The following HORMAD2 variants were observed in gnomAD, a reference collection of about 807,000 sequenced individuals.
HORMAD2 encodes the protein HORMA domain-containing protein 2.
In HORMAD2, 45 loss-of-function variants were observed where a neutral mutation model predicts 38.8. The ratio of observed to expected loss-of-function variants is 1.16; its 90% confidence interval spans 0.91 to 1.49. The LOEUF (loss-of-function observed/expected upper bound fraction) is 1.49, where lower values mean the gene tolerates loss of function less well. Ranked by LOEUF, HORMAD2 falls within the 40% of genes most tolerant of loss-of-function variation. HORMAD2 has a pLI of 0.00. For synonymous variants in HORMAD2, 126 were observed against 122.8 expected, an observed-to-expected ratio of 1.03 and a Z score of -0.17; for missense variants, 338 against 367.0, an observed-to-expected ratio of 0.92 and a Z score of 0.65.
At chr22:30,097,375 G>C (rs1368874894) in intron 2 of HORMAD2, among the ~76,000 whole-genome samples, 2 of 152,138 alleles carry the variant, frequency 1.3e-5, no homozygotes, top group Non-Finnish European at 2.9e-5. Context: ...ATTTCTTAAG[G>C]AAGACTATCT....
intron 10 of HORMAD2, among the ~76,000 whole-genome samples, chr22:30,158,127 C>CAATAAA (rs1398642316): frequency 6.6e-6 from 1 of 151,484 alleles, no homozygotes; most frequent in African/African-American, 2.4e-5. Flanking sequence ...TTGTTATATC[C>CAATAAA]AATAAAAATA....
At chr22:30,112,192 C>A (rs118075028) in intron 6 of HORMAD2, among the ~76,000 whole-genome samples, 784 of 152,138 alleles carry the variant, frequency 5.2e-3, no homozygotes, top group Non-Finnish European at 9.4e-3. Flanking sequence ...GAAGATACCA[C>A]TGAGAGTCTT....
At chr22:30,124,005 T>C (rs1922651693) in intron 10 of HORMAD2, among the ~76,000 whole-genome samples, 1 of 151,700 alleles carries the variant, frequency 6.6e-6, no homozygotes, top group East Asian at 1.9e-4. Context: ...TTTTTTTTAA[T>C]CAAATGAAAG....
Position 30,111,796 on chromosome 22 carries a change from C to T in HORMAD2, c.295C>T (p.Leu99=). The T allele has an allele frequency of 6.4e-7, 1 of 1,560,064 alleles. No individual in the cohort carries two copies. Among genetic ancestry groups the T allele is most frequent in the African/African-American group, 1.4e-5 (1 of 73,342 alleles). ...GCFDALEKRY[L]RMAVLTLYTD... ...TAGTTTTTTTTTCTTTCTCTTGAAGCTACGTATGGCAGTACTGACAGTAAG... is the reference window on the plus strand; with the variant it reads ...TAGTTTTTTTTTCTTTCTCTTGAAGTTACGTATGGCAGTACTGACAGTAAG... The change falls in exon 6 of 11, where the codon CTA becomes TTA. Residue 99 remains leucine (L), a splice_region_variant and synonymous_variant. Transcript: ENST00000336726.
At chr22:30,190,256 ATCT>A in the HORMAD2 span, among the ~76,000 whole-genome samples, 1 of 152,148 alleles carries the variant, frequency 6.6e-6, no homozygotes, top group Non-Finnish European at 1.5e-5. Context: ...TCAGGGCAAC[ATCT>A]TCTCCTGCCT....
At chr22:30,093,098 G>A (rs763514328) in intron 1 of HORMAD2, among the ~76,000 whole-genome samples, 5 of 151,920 alleles carry the variant, frequency 3.3e-5, no homozygotes, top group Non-Finnish European at 7.4e-5. Flanking sequence ...GATCATTTTA[G>A]CAATATTAAT....
chr22:30,207,146 T>A, the HORMAD2 span: 1 of 466,286 alleles, frequency 2.1e-6, no homozygotes, highest in South Asian at 1.6e-5. Flanking sequence ...TGGCTCACTG[T>A]GCTCCCGCCC....
At chr22:30,128,363 T>A (rs1056700310) in intron 10 of HORMAD2, among the ~76,000 whole-genome samples, 2 of 152,210 alleles carry the variant, frequency 1.3e-5, no homozygotes, top group Non-Finnish European at 2.9e-5. Flanking sequence ...TCATGGTATA[T>A]GTGAATTTAT....
chr22:30,137,298 G>T, intron 10 of HORMAD2: 2 of 521,164 alleles, frequency 3.8e-6, no homozygotes, highest in South Asian at 1.7e-5. Flanking sequence ...ATGCAATTTT[G>T]ATTCCTTGAG....
At chr22:30,148,183 A>G (rs544611576) in intron 10 of HORMAD2, among the ~76,000 whole-genome samples, 8 of 152,370 alleles carry the variant, frequency 5.3e-5, no homozygotes, top group South Asian at 2.1e-4. Context: ...CAAATGATAC[A>G]TGCAAAACTG....
chr22:30,142,305 G>T (rs1008288570), intron 10 of HORMAD2, among the ~76,000 whole-genome samples: 1 of 151,912 alleles, frequency 6.6e-6, no homozygotes, highest in Admixed American at 6.6e-5. Context: ...GTAAATATAT[G>T]GTTTATGCTG....
At chr22:30,123,807 A>G (rs1922629169) in intron 10 of HORMAD2, among the ~76,000 whole-genome samples, 1 of 151,058 alleles carries the variant, frequency 6.6e-6, no homozygotes, top group South Asian at 2.1e-4. Flanking sequence ...TGTAGCTGAA[A>G]CCATAGGTGT....
At chr22:30,172,366 A>G (rs1013490310) in intron 10 of HORMAD2, among the ~76,000 whole-genome samples, 4 of 152,202 alleles carry the variant, frequency 2.6e-5, no homozygotes, top group Non-Finnish European at 4.4e-5. Context: ...CTATTTTGGC[A>G]TTACATTGTA....
At chr22:30,191,836 A>G in the HORMAD2 span, among the ~76,000 whole-genome samples, 1 of 152,240 alleles carries the variant, frequency 6.6e-6, no homozygotes, top group Non-Finnish European at 1.5e-5. Flanking sequence ...TTCAAGATGT[A>G]TAAATGTTGT....
At chr22:30,175,903 A>G (rs1926426131) in intron 10 of HORMAD2, among the ~76,000 whole-genome samples, 160 bp from the exon 11 acceptor site, 1 of 152,222 alleles carries the variant, frequency 6.6e-6, no homozygotes, top group Non-Finnish European at 1.5e-5. Flanking sequence ...TGATACTGGC[A>G]GCAGGGCCTC....
intron 7 of HORMAD2, among the ~76,000 whole-genome samples, chr22:30,118,336 G>C (rs1922200527): frequency 6.9e-6 from 1 of 144,430 alleles, no homozygotes; most frequent in South Asian, 2.2e-4. Context: ...CCCTCTGCCT[G>C]AGGCACCCCA....
At chr22:30,108,745 T>G (rs753694651) in intron 5 of HORMAD2, among the ~76,000 whole-genome samples, 51 of 152,202 alleles carry the variant, frequency 3.4e-4, no homozygotes, top group Non-Finnish European at 1.5e-4. Flanking sequence ...TCCCTGAGAT[T>G]GGGACCATGT....
intron 10 of HORMAD2, 62 bp from the exon 11 acceptor site, chr22:30,176,001 T>C: frequency 9.5e-7 from 1 of 1,055,708 alleles, no homozygotes; most frequent in South Asian, 1.3e-5. Flanking sequence ...CTGTCTTATA[T>C]ATGTCTTGTG....
chr22:30,164,685 C>A (rs1420085741), intron 10 of HORMAD2, among the ~76,000 whole-genome samples: 3 of 152,016 alleles, frequency 2.0e-5, no homozygotes, highest in Non-Finnish European at 4.4e-5. Context: ...TAAGAGACAG[C>A]GTCTCACTAT....
Sources: allele counts gnomAD v4.1 joint callset (sites outside exome capture counted in the v4.1 genomes callset), GRCh38; gene constraint gnomAD v4.1.1; transcripts MANE v1.5; gene names NCBI Gene and HGNC (gene_info 2026-07-23, HGNC 2026-07-21).